The following GRIP1 variants were observed in gnomAD, a reference collection of about 807,000 sequenced individuals.
GRIP1 encodes glutamate receptor interacting protein 1, also known as glutamate receptor-interacting protein 1.
Under a neutral mutation model 129.9 loss-of-function variants are expected in GRIP1, and 45 were observed. The observed-to-expected ratio is 0.35, with a 90% CI of 0.27 to 0.44. The LOEUF (loss-of-function observed/expected upper bound fraction) is 0.44, where lower values mean the gene tolerates loss of function less well. Ranked by LOEUF, GRIP1 falls within the 20% of genes least tolerant of loss-of-function variation. The probability of loss-of-function intolerance (pLI) is 1.00; values close to 1 mark genes in which losing one functional copy is unlikely to be tolerated. For synonymous variants in GRIP1, 530 were observed against 520.8 expected, an observed-to-expected ratio of 1.02 and a Z score of -0.24; for missense variants, 1,196 against 1,396.8, an observed-to-expected ratio of 0.86 and a Z score of 2.29.
chr12:66,889,699 T>C (rs572875827), intron 1 of GRIP1, among the ~76,000 whole-genome samples: 1 of 152,360 alleles, frequency 6.6e-6, no homozygotes, highest in African/African-American at 2.4e-5. Context: ...TAGTTTATTC[T>C]ATTTGCATAA....
intron 8 of GRIP1, among the ~76,000 whole-genome samples, chr12:66,463,794 G>C (rs1392289892): frequency 3.9e-5 from 6 of 152,184 alleles, no homozygotes; most frequent in African/African-American, 1.4e-4. Context: ...CTGGCTACTG[G>C]ATGAGTTAAG....
At chr12:66,894,283 A>G (rs953492060) in intron 1 of GRIP1, among the ~76,000 whole-genome samples, 3 of 152,120 alleles carry the variant, frequency 2.0e-5, no homozygotes, top group Non-Finnish European at 4.4e-5. Flanking sequence ...CAGGTTCTTC[A>G]GTTTCCTATC....
At chr12:66,963,581 C>T (rs1367245333) in intron 1 of GRIP1, among the ~76,000 whole-genome samples, 2 of 152,150 alleles carry the variant, frequency 1.3e-5, no homozygotes, top group Non-Finnish European at 2.9e-5. Context: ...AATGTAATGA[C>T]AAACATAACA....
At chr12:66,446,026 T>C (rs2058614890) in intron 11 of GRIP1, among the ~76,000 whole-genome samples, 1 of 152,134 alleles carries the variant, frequency 6.6e-6, no homozygotes, top group Admixed American at 6.5e-5. Flanking sequence ...GAGGCTGTGC[T>C]GGTCCTCAAC....
intron 1 of GRIP1, among the ~76,000 whole-genome samples, chr12:67,025,951 T>TTTC (rs1048475633): frequency 6.6e-6 from 1 of 152,192 alleles, no homozygotes; most frequent in African/African-American, 2.4e-5. Context: ...TCGGGCTTTT[T>TTTC]TTCTTCTTCT....
At chr12:66,761,513 C>T (rs914576321) in intron 1 of GRIP1, among the ~76,000 whole-genome samples, 4 of 152,138 alleles carry the variant, frequency 2.6e-5, no homozygotes, top group Admixed American at 6.5e-5. Context: ...CATTTCCTTC[C>T]TCCATTAAAT....
intron 1 of GRIP1, among the ~76,000 whole-genome samples, chr12:66,938,825 T>G (rs765519774): frequency 6.6e-6 from 1 of 151,758 alleles, no homozygotes; most frequent in Non-Finnish European, 1.5e-5. Flanking sequence ...GGCGTGGTGG[T>G]GCATGCCTGT....
intron 1 of GRIP1, among the ~76,000 whole-genome samples, chr12:66,663,655 ACT>A (rs1298327669): frequency 1.3e-5 from 2 of 151,950 alleles, no homozygotes; most frequent in Non-Finnish European, 2.9e-5. Flanking sequence ...GAGTGGGGAG[ACT>A]CTGTCTAGGA....
chr12:66,347,771 T>G lies in GRIP1; in HGVS notation c.*1248A>C, dbSNP rs998008162. 5.3e-5 allele frequency: 8 copies of G among 152,164 alleles called. No homozygotes were observed. The highest frequency in any genetic ancestry group is 1.9e-4 in the East Asian group (1 of 5,200). 9.4% of individuals were successfully genotyped at this position (152,164 alleles called of 1,614,324 possible). The stretch of plus-strand genomic sequence containing the variant: ...AAAGAAAGGTGATTTTTTTTTTATA[T>G]TTCCTTAAACAAAGGACACAGTGTT... On this transcript the variant is annotated 3_prime_UTR_variant, in exon 25 of 25. Transcript: ENST00000359742.
At chr12:66,544,151 A>T (rs969122015) in intron 2 of GRIP1, among the ~76,000 whole-genome samples, 22 of 152,208 alleles carry the variant, frequency 1.4e-4, no homozygotes, top group African/African-American at 5.3e-4. Flanking sequence ...TTAAAATATA[A>T]ATTCATCGAT....
intron 1 of GRIP1, among the ~76,000 whole-genome samples, chr12:67,007,453 T>C (rs2042642930): frequency 6.6e-6 from 1 of 152,036 alleles, no homozygotes; most frequent in African/African-American, 2.4e-5. Context: ...GGCAGAAAGG[T>C]AATGCAAAGA....
At position 66,753,100 on chromosome 12, in the gene GRIP1, T is replaced by C. The variant is rs1165734278; in HGVS notation, c.-420+50953A>G. 2.6e-5 allele frequency among the ~76,000 whole-genome samples: 4 copies of C among 152,246 alleles called. No individual in the cohort carries two copies. In the South Asian group the frequency reaches 8.3e-4, roughly 32 times the overall value. On this transcript the variant is annotated intron_variant, in intron 1 of 4. Transcript: ENST00000538373. ...CCAATGCTGTGTATTCTAGCCAAAA[T>C]AGAACATTCCTCCCTTCCCAAACTC... is the stretch of plus-strand genomic sequence containing the variant.
intron 2 of GRIP1, chr12:66,568,964 A>G: frequency 1.9e-6 from 1 of 516,116 alleles, no homozygotes; most frequent in South Asian, 1.4e-5. Flanking sequence ...CTAGGTTGAT[A>G]CACTGCATCT....
At chr12:66,690,733 T>A (rs945608683) in intron 1 of GRIP1, among the ~76,000 whole-genome samples, 10 of 148,614 alleles carry the variant, frequency 6.7e-5, no homozygotes, top group African/African-American at 2.5e-4. Flanking sequence ...TTTCAAAAAA[T>A]TTTTTTTAAT....
At chr12:66,627,465 T>G (rs1007300643) in intron 1 of GRIP1, among the ~76,000 whole-genome samples, 2 of 152,240 alleles carry the variant, frequency 1.3e-5, no homozygotes, top group South Asian at 4.1e-4. Context: ...GTCTGACAAG[T>G]GTCAAAGCTG....
intron 1 of GRIP1, among the ~76,000 whole-genome samples, chr12:66,797,489 A>G (rs961127550): frequency 6.6e-6 from 1 of 152,140 alleles, no homozygotes; most frequent in Admixed American, 6.6e-5. Context: ...GAAGAAGCAT[A>G]CTGACCCAGG....
chr12:66,955,869 A>G (rs548266197), intron 1 of GRIP1, among the ~76,000 whole-genome samples: 2 of 152,354 alleles, frequency 1.3e-5, no homozygotes, highest in South Asian at 2.1e-4. Flanking sequence ...TACAAGGGAA[A>G]GCATATTACC....
At chr12:66,646,940 C>T (rs1008259202) in intron 1 of GRIP1, among the ~76,000 whole-genome samples, 7 of 152,224 alleles carry the variant, frequency 4.6e-5, no homozygotes, top group Non-Finnish European at 8.8e-5. Flanking sequence ...TTACATCAAT[C>T]ACTTACTCTT....
At chr12:66,433,367 T>C (rs2137978169) in intron 13 of GRIP1, among the ~76,000 whole-genome samples, 1 of 152,298 alleles carries the variant, frequency 6.6e-6, no homozygotes, top group South Asian at 2.1e-4. Context: ...AGATTCCAAC[T>C]ACATTAAATG....
Sources: gnomAD v4.1 joint callset for allele counts (sites outside exome capture counted in the v4.1 genomes callset) on GRCh38, gnomAD v4.1.1 for gene constraint, MANE v1.5 for transcripts, NCBI Gene and HGNC (gene_info 2026-07-23, HGNC 2026-07-21) for gene names.